CCDC146: variants seen among roughly 807,000 people sequenced by gnomAD.
The protein encoded by CCDC146 is coiled-coil domain containing 146, also known as coiled-coil domain-containing protein 146.
CCDC146 carries 92 observed loss-of-function variants against 119.3 expected under a neutral mutation model. The observed-to-expected ratio is 0.77, with a 90% CI of 0.65 to 0.92. The LOEUF (loss-of-function observed/expected upper bound fraction) is 0.92, where lower values mean the gene tolerates loss of function less well. CCDC146 is among the 40% of genes least tolerant of loss of function. The pLI is 0.00. For synonymous variants in CCDC146, 372 were observed against 371.8 expected, an observed-to-expected ratio of 1.00 and a Z score of -0.01; for missense variants, 1,000 against 1,103.0, an observed-to-expected ratio of 0.91 and a Z score of 1.32.
chr7:77,206,161 G>C (rs941463235), intron 2 of CCDC146, among the ~76,000 whole-genome samples: 3 of 152,154 alleles, frequency 2.0e-5, no homozygotes, highest in Admixed American at 2.0e-4. Context: ...ACAAAGACAA[G>C]ATCTATGAAT....
At chr7:77,254,896 C>G (rs1793148888) in intron 5 of CCDC146, among the ~76,000 whole-genome samples, 1 of 152,212 alleles carries the variant, frequency 6.6e-6, no homozygotes, top group Non-Finnish European at 1.5e-5. Flanking sequence ...CTGAACATCT[C>G]AAGTTATTAC....
chr7:77,167,601 T>C, intron 1 of CCDC146, 57 bp from the exon 2 acceptor site: 1 of 1,240,622 alleles, frequency 8.1e-7, no homozygotes, highest in South Asian at 2.3e-5. Flanking sequence ...TCCATTAATT[T>C]TACTTTATAA....
At chr7:77,245,601 T>C (rs148836122) in intron 4 of CCDC146, among the ~76,000 whole-genome samples, 2 of 152,340 alleles carry the variant, frequency 1.3e-5, no homozygotes, top group East Asian at 3.9e-4. Flanking sequence ...GACGTGACCC[T>C]GACCTTGGTG....
Position 77,260,092 on chromosome 7 carries a change from GTGCTATAGTGGA to G in CCDC146, c.845_856del (p.Ala282_Asp285del). On this transcript the variant is annotated inframe_deletion, in exon 8 of 19. Coordinates refer to ENST00000285871, the MANE Select transcript of CCDC146 (RefSeq NM_020879.3). ...CTAAAGAAAGTTGAAAACAAGGTTA[GTGCTATAGTGGA>G]TGAGAAGGAAAATGTAATAAAGGAA... 6.2e-7 allele frequency: 1 copy of G among 1,613,938 alleles called. No homozygotes were observed. Among genetic ancestry groups the G allele is most frequent in the South Asian group, 1.1e-5 (1 of 91,078 alleles).
intron 3 of CCDC146, among the ~76,000 whole-genome samples, chr7:77,238,583 A>T (rs1413434504): frequency 2.0e-5 from 3 of 151,866 alleles, no homozygotes; most frequent in African/African-American, 4.8e-5. Flanking sequence ...CACCCAGCTA[A>T]TTTTTTTGTA....
chr7:77,197,141 G>A (rs1282177652), intron 2 of CCDC146, among the ~76,000 whole-genome samples: 1 of 152,160 alleles, frequency 6.6e-6, no homozygotes, highest in African/African-American at 2.4e-5. Context: ...AATGCTTAAG[G>A]CCTCACAAGA....
intron 2 of CCDC146, among the ~76,000 whole-genome samples, chr7:77,206,396 C>T (rs1655181660): frequency 6.6e-6 from 1 of 152,072 alleles, no homozygotes. Context: ...GCAGGCAGAT[C>T]ACTTGAGGTC....
chr7:77,172,585 G>A (rs756249339), intron 2 of CCDC146, among the ~76,000 whole-genome samples: 1 of 152,182 alleles, frequency 6.6e-6, no homozygotes, highest in Non-Finnish European at 1.5e-5. Flanking sequence ...TGTTCAGTAT[G>A]ACATTCACAG....
intron 1 of CCDC146, among the ~76,000 whole-genome samples, chr7:77,130,603 T>C (rs1351732939): frequency 3.3e-4 from 49 of 149,130 alleles, no homozygotes; most frequent in African/African-American, 8.9e-4. Flanking sequence ...CTTTCTTTTT[T>C]TTTTTTTTTT....
intron 9 of CCDC146, among the ~76,000 whole-genome samples, chr7:77,262,993 G>A (rs975524172): frequency 6.6e-6 from 1 of 152,210 alleles, no homozygotes; most frequent in Non-Finnish European, 1.5e-5. Context: ...GAGCGAAAAA[G>A]GGGTCAGCCT....
intron 15 of CCDC146, among the ~76,000 whole-genome samples, chr7:77,283,099 T>C (rs541470177): frequency 6.6e-6 from 1 of 152,294 alleles, no homozygotes; most frequent in South Asian, 2.1e-4. Flanking sequence ...CTCACTACCC[T>C]CAGCATAATT....
chr7:77,235,185 T>C (rs1562842543), intron 2 of CCDC146, among the ~76,000 whole-genome samples: 1 of 152,218 alleles, frequency 6.6e-6, no homozygotes, highest in South Asian at 2.1e-4. Flanking sequence ...CAAGGTAATC[T>C]GGGCCCTTTC....
chr7:77,292,390 C>T (rs1793963465), intron 17 of CCDC146, among the ~76,000 whole-genome samples: 1 of 148,554 alleles, frequency 6.7e-6, no homozygotes, highest in South Asian at 2.1e-4. Context: ...CTGAGGCAGG[C>T]GGATCACGAG....
chr7:77,146,038 A>G (rs1332119405), intron 1 of CCDC146, among the ~76,000 whole-genome samples: 1 of 151,756 alleles, frequency 6.6e-6, no homozygotes, highest in Non-Finnish European at 1.5e-5. Flanking sequence ...TCCCATTATC[A>G]TTGTGGGGGA....
chr7:77,197,964 G>A (rs1791906894), intron 2 of CCDC146, among the ~76,000 whole-genome samples: 1 of 152,200 alleles, frequency 6.6e-6, no homozygotes, highest in African/African-American at 2.4e-5. Flanking sequence ...AGTTTAATAT[G>A]AGATACCCTA....
At position 77,293,029 on chromosome 7, in the gene CCDC146, A is replaced by C; in HGVS notation, c.2493A>C (p.Gln831His). The change falls in exon 18 of 19, where the codon CAA becomes CAC. Residue 831 changes from glutamine to histidine, a missense_variant. Transcript: ENST00000285871. ...TTGTTGCTGAGCTGTCCATGAAACA[A>C]GCCCTAACCATTGAACTCCAAAAGG... Reference protein sequence around the residue: ...MALVAELSMKQALTIELQKEV... With the variant: ...MALVAELSMKHALTIELQKEV... The C allele has an allele frequency of 3.7e-6, 6 of 1,614,214 alleles. No individual in the cohort carries two copies. Among genetic ancestry groups the C allele is most frequent in the Non-Finnish European group, 4.2e-6 (5 of 1,180,036 alleles).
At chr7:77,151,365 C>A (rs1206970506) in intron 1 of CCDC146, among the ~76,000 whole-genome samples, 7 of 152,006 alleles carry the variant, frequency 4.6e-5, no homozygotes, top group African/African-American at 7.3e-5. Flanking sequence ...TGGTGGTTAT[C>A]ATGTGCCAGT....
intron 1 of CCDC146, among the ~76,000 whole-genome samples, chr7:77,162,074 A>G (rs1259077141): frequency 6.6e-6 from 1 of 152,142 alleles, no homozygotes; most frequent in Non-Finnish European, 1.5e-5. Flanking sequence ...TATAGTTTGC[A>G]AATATTTCCT....
intron 9 of CCDC146, among the ~76,000 whole-genome samples, chr7:77,263,044 C>A (rs887079013): frequency 6.6e-6 from 1 of 152,214 alleles, no homozygotes; most frequent in African/African-American, 2.4e-5. Context: ...CTTCCCCGTT[C>A]TCTTCAGGAC....
Sources: gnomAD v4.1 joint callset for allele counts (sites outside exome capture counted in the v4.1 genomes callset) on GRCh38, gnomAD v4.1.1 for gene constraint, MANE v1.5 for transcripts, NCBI Gene and HGNC (gene_info 2026-07-23, HGNC 2026-07-21) for gene names.